The following BLZF1 variants were observed in gnomAD, a reference collection of about 807,000 sequenced individuals.
BLZF1 encodes the protein golgin-45.
Under a neutral mutation model 43.8 loss-of-function variants are expected in BLZF1, and 39 were observed. That is an observed-to-expected ratio of 0.89 (90% CI 0.69 to 1.16). The LOEUF is 1.16. BLZF1 is among the 50% of genes most tolerant of loss of function. BLZF1 has a pLI of 0.00. For synonymous variants in BLZF1, 136 were observed against 159.4 expected (o/e 0.85, Z 1.11); for missense variants, 449 against 469.8 (o/e 0.96, Z 0.41).
intron 3 of BLZF1, 33 bp downstream of exon 3, chr1:169,377,012 T>C (rs1470124686): frequency 1.3e-6 from 2 of 1,551,884 alleles, no homozygotes; most frequent in Non-Finnish European, 1.8e-6. Context: ...AAATGAGTAC[T>C]ACTCTTTACG....
chr1:169,368,995 T>TA (rs1457639962), intron 1 of BLZF1, among the ~76,000 whole-genome samples: 1 of 152,222 alleles, frequency 6.6e-6, no homozygotes, highest in Admixed American at 6.5e-5. Context: ...TTTAACTTTT[T>TA]ATTACCAAAA....
chr1:169,370,350 A>G (rs1654071362), intron 2 of BLZF1, among the ~76,000 whole-genome samples: 1 of 152,166 alleles, frequency 6.6e-6, no homozygotes, highest in South Asian at 2.1e-4. Flanking sequence ...GGGGGACACA[A>G]TTCAACCCCT....
At chr1:169,388,485 GACA>G (rs1261578230), downstream of BLZF1, among the ~76,000 whole-genome samples, 1 of 152,122 alleles carries the variant, frequency 6.6e-6, no homozygotes, top group Non-Finnish European at 1.5e-5. Context: ...TCTTGAATAT[GACA>G]ACAGAAGCAC....
At chr1:169,382,392 A>T in intron 6 of BLZF1, 111 bp downstream of exon 6, 6 of 887,006 alleles carry the variant, frequency 6.8e-6, no homozygotes, top group Non-Finnish European at 3.4e-6. Flanking sequence ...GTGGGATCTA[A>T]ACCACTCATG....
chr1:169,395,235 T>G, intron 7 of BLZF1: 1 of 1,596,004 alleles, frequency 6.3e-7, no homozygotes, highest in African/African-American at 1.3e-5. Flanking sequence ...TCAGATTTGG[T>G]GAGTATCAAC....
chr1:169,382,132 C>T lies in BLZF1; in HGVS notation c.868C>T (p.His290Tyr), dbSNP rs770880796. Reference sequence around the variant, plus strand: ...AACTTACTCCCCTAGTGTACAACCCCACAGCACAGCAGAGCTAGCATTAAC... The same window carrying T: ...AACTTACTCCCCTAGTGTACAACCCTACAGCACAGCAGAGCTAGCATTAAC... ...EQTYSPSVQPHSTAELALTNH... is the reference protein window; with the variant it reads ...EQTYSPSVQPYSTAELALTNH... Residue 290 changes from histidine to tyrosine, a missense_variant, in exon 6 of 7, where the codon CAC (histidine) becomes TAC (tyrosine). His to Tyr is a moderately conservative substitution (Grantham distance 83). Transcript: ENST00000367808. The T allele has an allele frequency of 1.2e-6, 2 of 1,613,864 alleles. No individual in the cohort carries two copies. Among genetic ancestry groups the T allele is most frequent in the Non-Finnish European group, 1.7e-6 (2 of 1,179,784 alleles).
intron 5 of BLZF1, 29 bp from the exon 6 acceptor site, chr1:169,382,033 T>C (rs1323347430): frequency 6.5e-7 from 1 of 1,542,334 alleles, no homozygotes; most frequent in South Asian, 1.2e-5. Context: ...TCTCTTACTA[T>C]GTCCGGTGTT....
chr1:169,392,273 G>A (rs550769786), downstream of BLZF1, among the ~76,000 whole-genome samples: 94 of 152,306 alleles, frequency 6.2e-4, no homozygotes, highest in Middle Eastern at 0.01. Context: ...TGTAAACGCC[G>A]TGAATAGCCA....
At chr1:169,394,980 C>A in intron 7 of BLZF1, 1 of 1,372,936 alleles carries the variant, frequency 7.3e-7, no homozygotes, top group Non-Finnish European at 9.9e-7. Flanking sequence ...CCAAAGTACA[C>A]AGACCCTAAG....
intron 2 of BLZF1, among the ~76,000 whole-genome samples, chr1:169,370,617 G>A (rs541279340): frequency 2.0e-4 from 31 of 152,232 alleles, no homozygotes; most frequent in East Asian, 5.8e-4. Context: ...TCAAGTGGTC[G>A]GTAGGCAAAT....
intron 2 of BLZF1, among the ~76,000 whole-genome samples, chr1:169,372,294 A>G (rs1364042754): frequency 6.6e-6 from 1 of 152,178 alleles, no homozygotes; most frequent in Non-Finnish European, 1.5e-5. Flanking sequence ...TATGTTCTGG[A>G]AAGTCTTTCA....
chr1:169,374,704 A>G (rs1399819075), intron 2 of BLZF1, among the ~76,000 whole-genome samples: 1 of 152,160 alleles, frequency 6.6e-6, no homozygotes, highest in Non-Finnish European at 1.5e-5. Context: ...TAGTCTAGCA[A>G]TATAACTTTA....
downstream of BLZF1, among the ~76,000 whole-genome samples, chr1:169,390,123 TA>T (rs539975726): frequency 2.0e-4 from 30 of 151,528 alleles, no homozygotes; most frequent in Admixed American, 6.6e-4. Flanking sequence ...ATTAAAAAAC[TA>T]AAAAAAAATT....
intron 4 of BLZF1, among the ~76,000 whole-genome samples, chr1:169,379,188 T>C (rs1654453397): frequency 6.6e-6 from 1 of 152,030 alleles, no homozygotes; most frequent in South Asian, 2.1e-4. Context: ...AGCAAAATAC[T>C]TTATAGAGTA....
chr1:169,376,989 G>A lies in BLZF1; in HGVS notation c.468+10G>A, dbSNP rs569853147. ...CCGTGTACAGACAGAGGTAAGAAGA[G>A]CCTTAATCGATAAAATGAGTACTAC... On this transcript the variant is annotated intron_variant, in intron 3 of 6. Coordinates refer to ENST00000367808, the MANE Select transcript of BLZF1 (RefSeq NM_001320973.2). 3.1e-6 allele frequency: 5 copies of A among 1,605,268 alleles called. No individual in the cohort carries two copies. In the South Asian group the frequency reaches 3.3e-5, roughly 11 times the overall value.
chr1:169,392,602 AC>A (rs1276738834), downstream of BLZF1, among the ~76,000 whole-genome samples: 1 of 152,192 alleles, frequency 6.6e-6, no homozygotes. Context: ...AACCCTTGCA[AC>A]ATCCCAAGTC....
intron 2 of BLZF1, among the ~76,000 whole-genome samples, chr1:169,374,764 T>A (rs1654243256): frequency 6.6e-6 from 1 of 152,170 alleles, no homozygotes; most frequent in Non-Finnish European, 1.5e-5. Flanking sequence ...TGGCATTAAA[T>A]AAATTAACTT....
chr1:169,369,080 ATGTG>A (rs201305312), intron 1 of BLZF1, among the ~76,000 whole-genome samples: 1 of 151,940 alleles, frequency 6.6e-6, no homozygotes, highest in African/African-American at 2.4e-5. Context: ...CCTTTTTGAT[ATGTG>A]TGTGTGTGTA....
intron 1 of BLZF1, 126 bp downstream of exon 1, chr1:169,368,468 G>A (rs1462375205): frequency 6.6e-6 from 1 of 152,204 alleles, no homozygotes; most frequent in Non-Finnish European, 1.5e-5. Flanking sequence ...TTCAGACAGG[G>A]ATGAAACTTA....
Sources: gnomAD v4.1 joint callset for allele counts (sites outside exome capture counted in the v4.1 genomes callset) on GRCh38, gnomAD v4.1.1 for gene constraint, MANE v1.5 for transcripts, NCBI Gene and HGNC (gene_info 2026-07-23, HGNC 2026-07-21) for gene names.